Variants in FAM3B observed in about 807,000 individuals in gnomAD.
FAM3B encodes the protein protein FAM3B.
A neutral mutation model predicts 28.4 loss-of-function variants in FAM3B; 29 were observed. The observed-to-expected ratio is 1.02, with a 90% CI of 0.76 to 1.39. FAM3B has a LOEUF of 1.39. Ranked by LOEUF, FAM3B falls within the 40% of genes most tolerant of loss-of-function variation. FAM3B has a pLI of 0.00. For synonymous variants in FAM3B, 91 were observed against 103.0 expected, an observed-to-expected ratio of 0.88 and a Z score of 0.71; for missense variants, 266 against 293.9, an observed-to-expected ratio of 0.91 and a Z score of 0.69.
chr21:41,352,006 T>C (rs1368580102), intron 7 of FAM3B, among the ~76,000 whole-genome samples: 1 of 152,150 alleles, frequency 6.6e-6, no homozygotes, highest in Non-Finnish European at 1.5e-5. Flanking sequence ...CCTGCCTTGC[T>C]CCCTGTGTGT....
chr21:41,326,544 G>A lies in FAM3B; in HGVS notation c.163+3478G>A, dbSNP rs192053825. Among the ~76,000 whole-genome samples the A allele has an allele frequency of 2.5e-4, 38 of 152,354 alleles. No homozygotes were observed. The East Asian group carries it at 7.3e-3, about 29-fold the overall frequency. On this transcript the variant is annotated intron_variant, in intron 2 of 7. Coordinates refer to ENST00000357985, the MANE Select transcript of FAM3B (RefSeq NM_058186.4). This position sits in a 1 kb window ranked among gnomAD's most constrained non-coding sequence, Gnocchi z 4.0. ...CGAAACAGGACTCTCACTTTGCAGA[G>A]CGCCAGGGGCTGCAAGTCTAGAAGC...
upstream of FAM3B, among the ~76,000 whole-genome samples, chr21:41,314,838 G>C (rs1361909337): frequency 6.6e-6 from 1 of 152,076 alleles, no homozygotes; most frequent in Non-Finnish European, 1.5e-5. Context: ...TGCACTGAGT[G>C]GGATTATAAA....
Position 41,338,279 on chromosome 21 carries a change from G to T in FAM3B, c.164-99G>T. ...TCAGGTTTTCCGACCGCTGCTTGGAGTTTCTGGTATGAAGTGCTGGTGTTC... is the reference window on the plus strand; with the variant it reads ...TCAGGTTTTCCGACCGCTGCTTGGATTTTCTGGTATGAAGTGCTGGTGTTC... On this transcript the variant is annotated intron_variant, in intron 2 of 7. Coordinates refer to ENST00000357985, the MANE Select transcript of FAM3B (RefSeq NM_058186.4). 4.1e-6 allele frequency: 6 copies of T among 1,450,252 alleles called. No individual in the cohort carries two copies. The South Asian group carries it at 6.4e-5, about 15-fold the overall frequency. The allele number at this position is 1,450,252 out of a possible 1,614,324, so 89.8% of individuals were successfully genotyped here.
At chr21:41,336,178 A>G (rs1047453990) in intron 2 of FAM3B, among the ~76,000 whole-genome samples, 1 of 152,208 alleles carries the variant, frequency 6.6e-6, no homozygotes, top group Non-Finnish European at 1.5e-5. Flanking sequence ...GGCCCTCATC[A>G]GACACTGTAT....
At chr21:41,346,965 C>G (rs778960823) in intron 5 of FAM3B, 48 bp from the exon 6 acceptor site, 2 of 1,546,614 alleles carry the variant, frequency 1.3e-6, no homozygotes, top group Non-Finnish European at 1.8e-6. Flanking sequence ...CAAGGCAGAG[C>G]CTCAGTGAAC....
intron 2 of FAM3B, among the ~76,000 whole-genome samples, chr21:41,337,614 G>A (rs375307790): frequency 6.6e-6 from 1 of 152,316 alleles, no homozygotes; most frequent in East Asian, 1.9e-4. Context: ...GTGGTATAGA[G>A]TGTATGTGTG....
In FAM3B at chr21:41,318,380, G is replaced by T. The variant is rs993272150; in HGVS notation, c.19+1482G>T. 2.0e-5 allele frequency among the ~76,000 whole-genome samples: 3 copies of T among 152,170 alleles called. 1 individual carries two copies. In the South Asian group the frequency reaches 6.2e-4, roughly 32 times the overall value. The stretch of plus-strand genomic sequence containing the variant: ...AATGGGAGGAGCAAGTTGAGCTGCC[G>T]CCATGCCTTCGCCTGCAGGGCCTGG... On this transcript the variant is annotated intron_variant, in intron 1 of 7. Coordinates refer to ENST00000357985, the MANE Select transcript of FAM3B (RefSeq NM_058186.4).
chr21:41,328,871 G>A (rs1266271472), intron 2 of FAM3B, among the ~76,000 whole-genome samples: 8 of 152,142 alleles, frequency 5.3e-5, no homozygotes, highest in Non-Finnish European at 1.2e-4. Flanking sequence ...ACGGAGGACT[G>A]TGGTCACCAA....
intron 2 of FAM3B, among the ~76,000 whole-genome samples, chr21:41,331,022 T>C (rs530830888): frequency 6.6e-6 from 1 of 152,364 alleles, no homozygotes; most frequent in African/African-American, 2.4e-5. Context: ...CATACTGTTT[T>C]TCCATAATGG....
chr21:41,345,957 G>A (rs562533342), intron 5 of FAM3B: 3 of 401,274 alleles, frequency 7.5e-6, no homozygotes, highest in East Asian at 6.1e-5. Context: ...TCTTCTGTTA[G>A]TTTTCCTCAG....
At chr21:41,315,488 G>A (rs1356984377), upstream of FAM3B, among the ~76,000 whole-genome samples, 1 of 149,958 alleles carries the variant, frequency 6.7e-6, no homozygotes, top group Non-Finnish European at 1.5e-5. Flanking sequence ...TACCTCTGAA[G>A]TCAGGTGAGC....
At chr21:41,325,328 A>G (rs900017887) in intron 2 of FAM3B, among the ~76,000 whole-genome samples, 2 of 152,216 alleles carry the variant, frequency 1.3e-5, no homozygotes, top group African/African-American at 4.8e-5. Context: ...AATCTCCTAT[A>G]GAACAATGAG....
chr21:41,311,659 A>G (rs768185385), intron 1 of FAM3B, among the ~76,000 whole-genome samples: 1 of 152,126 alleles, frequency 6.6e-6, no homozygotes, highest in East Asian at 1.9e-4. Flanking sequence ...AGCAGAAGAC[A>G]GCTGGATTCT....
chr21:41,317,121 C>A (rs1020430634), intron 1 of FAM3B, among the ~76,000 whole-genome samples: 3 of 152,206 alleles, frequency 2.0e-5, no homozygotes, highest in Non-Finnish European at 2.9e-5. Context: ...GACCCTGTTT[C>A]CCCGCGCTCG....
Position 41,316,878 on chromosome 21 carries a change from AG to A in FAM3B, c.-1del. On this transcript the variant is annotated 5_prime_UTR_variant, in exon 1 of 8. Coordinates refer to ENST00000357985, the MANE Select transcript of FAM3B (RefSeq NM_058186.4). ...GGCCAGGAGGGGAGCGGCACCTGGAAGATGCGCCCATTGGCTGGTGGTGAGT... is the reference window on the plus strand; with the variant it reads ...GGCCAGGAGGGGAGCGGCACCTGGAAATGCGCCCATTGGCTGGTGGTGAGT... 7.1e-7 allele frequency: 1 copy of A among 1,410,336 alleles called. No individual in the cohort carries two copies. Among genetic ancestry groups the A allele is most frequent in the African/African-American group, 1.5e-5 (1 of 67,276 alleles). The allele number at this position is 1,410,336 out of a possible 1,614,324, so 87.4% of individuals were successfully genotyped here.
At chr21:41,342,346 T>C (rs900484371) in intron 3 of FAM3B, among the ~76,000 whole-genome samples, 6 of 152,244 alleles carry the variant, frequency 3.9e-5, no homozygotes, top group African/African-American at 1.4e-4. Flanking sequence ...TGGAGTTTTT[T>C]TGAGTTTCTT....
At chr21:41,318,836 C>T (rs1038693938) in intron 1 of FAM3B, among the ~76,000 whole-genome samples, 1 of 152,202 alleles carries the variant, frequency 6.6e-6, no homozygotes, top group South Asian at 2.1e-4. Flanking sequence ...AATCCTCCTA[C>T]CTGTAACCCA....
chr21:41,350,700 G>A (rs181716773), intron 7 of FAM3B, among the ~76,000 whole-genome samples: 205 of 152,336 alleles, frequency 1.3e-3, no homozygotes, highest in Non-Finnish European at 1.9e-3. Flanking sequence ...TCTGATGCAC[G>A]GGGAAGGGAG....
At chr21:41,316,017 G>A (rs1193631137), upstream of FAM3B, among the ~76,000 whole-genome samples, 4 of 152,204 alleles carry the variant, frequency 2.6e-5, no homozygotes, top group Non-Finnish European at 5.9e-5. Flanking sequence ...TGGGCTCGGA[G>A]TTTTAACTTG....
Sources: gnomAD v4.1 joint callset for allele counts (sites outside exome capture counted in the v4.1 genomes callset) on GRCh38, gnomAD v4.1.1 for gene constraint, Gnocchi (gnomAD v3.1) non-coding constraint, MANE v1.5 for transcripts, NCBI Gene and HGNC (gene_info 2026-07-23, HGNC 2026-07-21) for gene names.